IL1RAPL1: variants seen among roughly 807,000 people sequenced by gnomAD.
IL1RAPL1 encodes interleukin-1 receptor accessory protein-like 1.
IL1RAPL1 carries 3 observed loss-of-function variants against 48.4 expected under a neutral mutation model. That is an observed-to-expected ratio of 0.06 (90% confidence interval 0.03 to 0.16). The LOEUF is 0.16. IL1RAPL1 is among the 10% of genes least tolerant of loss of function. IL1RAPL1 has a pLI of 1.00. For missense variants in IL1RAPL1, 349 were observed against 530.6 expected (o/e 0.66, Z 3.36); for synonymous variants, 185 against 187.7 (o/e 0.99, Z 0.12).
intron 2 of IL1RAPL1, among the ~76,000 whole-genome samples, chrX:28,984,872 C>A (rs772427364): frequency 8.9e-6 from 1 of 111,777 alleles, no homozygotes; most frequent in African/African-American, 3.3e-5. Context: ...ATTTCTAATA[C>A]GAATTTCATG....
chrX:28,596,907 G>A lies in IL1RAPL1; in HGVS notation c.-25+8860G>A, dbSNP rs192319950. 2.5e-3 allele frequency among the ~76,000 whole-genome samples: 276 copies of A among 111,359 alleles called. 1 individual carries two copies. Among genetic ancestry groups the A allele is most frequent in the African/African-American group, 8.6e-3 (263 of 30,623 alleles). On this transcript the variant is annotated intron_variant, in intron 1 of 10. Coordinates refer to ENST00000378993, the MANE Select transcript of IL1RAPL1 (RefSeq NM_014271.4). ...TACATACTTCTAAGAGAGATGCCAA[G>A]TATGCTATGGGCTCAAGAAACGTTC...
rs994111035 is a variant in IL1RAPL1 at position 29,416,734 on chromosome X, A to G, written c.703+17426A>G. On this transcript the variant is annotated intron_variant, in intron 5 of 10. Transcript: ENST00000378993. Reference sequence around the variant, plus strand: ...ATTAAATTTATTGCTCTGTGATTTTAGCATTTAAGGATAGTTCCTGGAAAA... The same window carrying G: ...ATTAAATTTATTGCTCTGTGATTTTGGCATTTAAGGATAGTTCCTGGAAAA... Among the ~76,000 whole-genome samples the G allele has an allele frequency of 3.6e-5, 4 of 111,767 alleles. No homozygotes were observed. The Admixed American group carries it at 3.8e-4, about 11-fold the overall frequency.
intron 6 of IL1RAPL1, among the ~76,000 whole-genome samples, chrX:29,764,517 A>G (rs1277066979): frequency 8.9e-6 from 1 of 111,781 alleles, no homozygotes. Flanking sequence ...TGAATTGTTC[A>G]TATCAGGAGT....
chrX:29,524,413 T>C lies in IL1RAPL1; in HGVS notation c.703+125105T>C, dbSNP rs757922386. Among the ~76,000 whole-genome samples, 45 of 111,640 alleles carry C rather than the reference T, an allele frequency of 4.0e-4. 1 individual carries two copies. In the South Asian group the frequency reaches 0.016, roughly 39 times the overall value. On this transcript the variant is annotated intron_variant, in intron 5 of 10. Coordinates refer to ENST00000378993, the MANE Select transcript of IL1RAPL1 (RefSeq NM_014271.4). The stretch of plus-strand genomic sequence containing the variant: ...TTTTATTATTGATTTAAATTCTTTA[T>C]AATATGCAATTACAGATATATTTTA...
At chrX:29,832,680 C>T (rs1404300588) in intron 6 of IL1RAPL1, among the ~76,000 whole-genome samples, 1 of 106,743 alleles carries the variant, frequency 9.4e-6, no homozygotes, top group Non-Finnish European at 1.9e-5. Flanking sequence ...CTTATTTCCT[C>T]TGTAAATGCT....
intron 1 of IL1RAPL1, among the ~76,000 whole-genome samples, chrX:28,741,550 T>C (rs1032019413): frequency 2.7e-5 from 3 of 112,136 alleles, no homozygotes; most frequent in African/African-American, 9.7e-5. Context: ...TTCACAAACC[T>C]TGAAGTACGT....
chrX:29,915,714 C>CTTTTTT (rs201364121), intron 6 of IL1RAPL1, among the ~76,000 whole-genome samples: 2 of 54,307 alleles, frequency 3.7e-5, no homozygotes, highest in Non-Finnish European at 6.8e-5. Flanking sequence ...TGGTAATATT[C>CTTTTTT]TTTTTTTTTT....
intron 1 of IL1RAPL1, among the ~76,000 whole-genome samples, chrX:28,694,634 A>G (rs969527270): frequency 1.8e-4 from 20 of 112,191 alleles, no homozygotes; most frequent in Admixed American, 1.1e-3. Context: ...AAAAAACAAA[A>G]TAAAACATTA....
At chrX:29,430,135 C>T (rs1425271942) in intron 5 of IL1RAPL1, among the ~76,000 whole-genome samples, 1 of 108,874 alleles carries the variant, frequency 9.2e-6, no homozygotes, top group African/African-American at 3.3e-5. Flanking sequence ...GTCTCTCTCT[C>T]TCTCCCCCAA....
At chrX:29,309,006 G>A (rs1932665716) in intron 3 of IL1RAPL1, among the ~76,000 whole-genome samples, 1 of 112,401 alleles carries the variant, frequency 8.9e-6, no homozygotes, top group Admixed American at 9.4e-5. Context: ...AAATAGCTCA[G>A]TTATTACTTA....
chrX:29,346,938 C>T (rs147080728), intron 3 of IL1RAPL1, among the ~76,000 whole-genome samples: 6,898 of 111,689 alleles, frequency 0.062, 310 homozygotes, highest in African/African-American at 0.14. Flanking sequence ...TTAATTAGCT[C>T]ATTCCATATT....
chrX:29,173,743 C>T (rs773787280), intron 2 of IL1RAPL1, among the ~76,000 whole-genome samples: 1 of 111,454 alleles, frequency 9.0e-6, no homozygotes, highest in South Asian at 3.8e-4. Context: ...ATGTAGAAGA[C>T]GCAGATAGGG....
At chrX:28,695,063 G>C (rs1935216030) in intron 1 of IL1RAPL1, among the ~76,000 whole-genome samples, 1 of 111,410 alleles carries the variant, frequency 9.0e-6, no homozygotes, top group African/African-American at 3.3e-5. Context: ...CTCTGCAGGT[G>C]GGAGATGTAT....
At chrX:29,764,744 G>A (rs1928839631) in intron 6 of IL1RAPL1, among the ~76,000 whole-genome samples, 1 of 112,076 alleles carries the variant, frequency 8.9e-6, no homozygotes, top group Admixed American at 9.5e-5. Flanking sequence ...ACTGTGTCTT[G>A]GCAGGTAGGC....
intron 5 of IL1RAPL1, among the ~76,000 whole-genome samples, chrX:29,513,321 A>G (rs1447320740): frequency 1.8e-5 from 2 of 111,482 alleles, no homozygotes; most frequent in African/African-American, 6.5e-5. Flanking sequence ...ATGCTTGGTA[A>G]CATCACTTTT....
chrX:29,335,855 TC>T (rs1220015738), intron 3 of IL1RAPL1, among the ~76,000 whole-genome samples: 1 of 111,240 alleles, frequency 9.0e-6, no homozygotes, highest in Non-Finnish European at 1.9e-5. Flanking sequence ...TAGAAAAGTG[TC>T]AGTCTTTAAC....
intron 2 of IL1RAPL1, among the ~76,000 whole-genome samples, chrX:29,055,377 G>C (rs767988760): frequency 6.3e-5 from 7 of 111,317 alleles, no homozygotes; most frequent in African/African-American, 1.6e-4. Context: ...TTATCTGTCA[G>C]ACTATGGTTC....
At chrX:29,695,344 A>G (rs749657612) in intron 6 of IL1RAPL1, among the ~76,000 whole-genome samples, 5 of 111,832 alleles carry the variant, frequency 4.5e-5, no homozygotes, top group Non-Finnish European at 7.5e-5. Context: ...AACAACTGAC[A>G]CAAATAGTTC....
At chrX:28,714,661 T>C (rs970942603) in intron 1 of IL1RAPL1, among the ~76,000 whole-genome samples, 1 of 111,853 alleles carries the variant, frequency 8.9e-6, no homozygotes, top group African/African-American at 3.2e-5. Context: ...CCTCCCTCCA[T>C]GAGCAGCCTT....
Sources: allele counts gnomAD v4.1 joint callset (sites outside exome capture counted in the v4.1 genomes callset), GRCh38; gene constraint gnomAD v4.1.1; transcripts MANE v1.5; gene names NCBI Gene and HGNC (gene_info 2026-07-23, HGNC 2026-07-21).